The following CDH12 variants were observed in gnomAD, a reference collection of about 807,000 sequenced individuals.
The protein encoded by CDH12 is cadherin-12.
Under a neutral mutation model 74.1 loss-of-function variants are expected in CDH12, and 41 were observed. That is an observed-to-expected ratio of 0.55 (90% CI 0.43 to 0.72). The LOEUF (loss-of-function observed/expected upper bound fraction) is 0.72. Among genes scored for constraint, CDH12 ranks in the 30% least tolerant of loss-of-function variants. The pLI, the probability that CDH12 is intolerant of heterozygous loss-of-function variation, is 0.00. For synonymous variants in CDH12, 399 were observed against 355.0 expected, an observed-to-expected ratio of 1.12 and a Z score of -1.39; for missense variants, 945 against 977.2, an observed-to-expected ratio of 0.97 and a Z score of 0.44.
At chr5:22,352,867 G>T (rs1740412597) in intron 3 of CDH12, among the ~76,000 whole-genome samples, 1 of 152,086 alleles carries the variant, frequency 6.6e-6, no homozygotes, top group Non-Finnish European at 1.5e-5. Flanking sequence ...ATCTACTGAT[G>T]ATTCAGAATC....
intron 2 of CDH12, among the ~76,000 whole-genome samples, chr5:22,477,599 T>C (rs1259697455): frequency 1.3e-5 from 2 of 152,196 alleles, no homozygotes; most frequent in Admixed American, 6.5e-5. Flanking sequence ...TGGCATATAC[T>C]CAGTAATGGG....
intron 1 of CDH12, among the ~76,000 whole-genome samples, chr5:22,506,874 T>C (rs927610717): frequency 6.6e-6 from 1 of 152,202 alleles, no homozygotes; most frequent in Non-Finnish European, 1.5e-5. Context: ...TTCAGGCTGA[T>C]ACCTTCAACT....
chr5:22,432,688 G>A (rs1489807653), intron 2 of CDH12, among the ~76,000 whole-genome samples: 2 of 152,044 alleles, frequency 1.3e-5, no homozygotes, highest in Non-Finnish European at 2.9e-5. Flanking sequence ...TTTTGACAAT[G>A]TTTGACCCTG....
At chr5:22,749,202 T>A (rs535442044) in intron 1 of CDH12, among the ~76,000 whole-genome samples, 1 of 152,216 alleles carries the variant, frequency 6.6e-6, no homozygotes, top group Admixed American at 6.5e-5. Context: ...AGCAACAGCA[T>A]GAGCACAGCA....
At chr5:22,284,738 A>G (rs1435915249) in intron 3 of CDH12, among the ~76,000 whole-genome samples, 1 of 152,178 alleles carries the variant, frequency 6.6e-6, no homozygotes, top group East Asian at 1.9e-4. Flanking sequence ...TGAATACCAG[A>G]AAGTGGGGAT....
chr5:22,543,842 T>C (rs1290705371), intron 1 of CDH12, among the ~76,000 whole-genome samples: 1 of 152,154 alleles, frequency 6.6e-6, no homozygotes, highest in African/African-American at 2.4e-5. Flanking sequence ...CTTTCAAACA[T>C]ATTTCACACT....
chr5:22,375,868 A>T (rs1162331926), intron 3 of CDH12, among the ~76,000 whole-genome samples: 2 of 151,950 alleles, frequency 1.3e-5, no homozygotes, highest in African/African-American at 4.8e-5. Context: ...AGTGGAATGT[A>T]AATTACTACA....
intron 1 of CDH12, among the ~76,000 whole-genome samples, chr5:22,537,871 GA>G (rs1316232239): frequency 3.3e-5 from 5 of 152,230 alleles, no homozygotes; most frequent in Non-Finnish European, 5.9e-5. Context: ...AAGACTTTAA[GA>G]AAAGGCTGTG....
At chr5:21,843,492 A>G (rs1192538749) in intron 7 of CDH12, among the ~76,000 whole-genome samples, 1 of 150,554 alleles carries the variant, frequency 6.6e-6, no homozygotes, top group East Asian at 2.0e-4. Context: ...TGCTGCTGCT[A>G]CTTTATTTAT....
chr5:22,058,771 G>T (rs1242755320), intron 5 of CDH12, among the ~76,000 whole-genome samples: 1 of 148,662 alleles, frequency 6.7e-6, no homozygotes, highest in African/African-American at 2.5e-5. Context: ...AGGAAGGAAG[G>T]GAGGGAGGGA....
chr5:22,059,265 ATCTATCTATC>A (rs1221134816), intron 5 of CDH12, among the ~76,000 whole-genome samples: 1 of 150,218 alleles, frequency 6.7e-6, no homozygotes, highest in Non-Finnish European at 1.5e-5. Context: ...CTATCTATCT[ATCTATCTATC>A]TATCTATCTA....
intron 1 of CDH12, among the ~76,000 whole-genome samples, chr5:22,793,238 G>T (rs1481446107): frequency 6.6e-6 from 1 of 152,110 alleles, no homozygotes; most frequent in African/African-American, 2.4e-5. Flanking sequence ...TTTTAGATTT[G>T]GGGTCAAAAC....
intron 1 of CDH12, among the ~76,000 whole-genome samples, chr5:22,848,042 C>T (rs1388395814): frequency 1.3e-5 from 2 of 152,086 alleles, no homozygotes; most frequent in African/African-American, 2.4e-5. Flanking sequence ...CACCACCATG[C>T]CTGGTGATCA....
chr5:21,876,891 T>C (rs1177766343), intron 6 of CDH12, among the ~76,000 whole-genome samples: 1 of 152,218 alleles, frequency 6.6e-6, no homozygotes, highest in African/African-American at 2.4e-5. Context: ...CATGCTGTTG[T>C]CAAAATCAGA....
At chr5:21,853,893 T>C (rs996969213) in intron 7 of CDH12, among the ~76,000 whole-genome samples, 2 of 151,644 alleles carry the variant, frequency 1.3e-5, no homozygotes, top group Non-Finnish European at 3.0e-5. Flanking sequence ...GTATAAGTAT[T>C]GACAAAATAA....
intron 4 of CDH12, among the ~76,000 whole-genome samples, chr5:22,128,892 T>G (rs374827952): frequency 3.3e-5 from 5 of 152,358 alleles, no homozygotes. Context: ...ATTTACTGAG[T>G]ACTGTCTCCC....
intron 1 of CDH12, among the ~76,000 whole-genome samples, chr5:22,606,421 A>G (rs2255884): frequency 0.56 from 85,034 of 151,974 alleles, 24,133 homozygotes; most frequent in East Asian, 0.68. Flanking sequence ...TAATCCCCAC[A>G]TGTCAAGGGG....
intron 3 of CDH12, among the ~76,000 whole-genome samples, chr5:22,287,739 A>G (rs1174921446): frequency 8.6e-5 from 13 of 151,508 alleles, no homozygotes; most frequent in Non-Finnish European, 1.5e-4. Flanking sequence ...AAAAAAAAAA[A>G]AATGTATAAC....
chr5:22,139,838 G>A (rs1182667575), intron 4 of CDH12, among the ~76,000 whole-genome samples: 1 of 152,132 alleles, frequency 6.6e-6, no homozygotes, highest in Non-Finnish European at 1.5e-5. Flanking sequence ...AGAGCCATCA[G>A]TTGAAAGCCT....
Sources: allele counts gnomAD v4.1 joint callset (sites outside exome capture counted in the v4.1 genomes callset), GRCh38; gene constraint gnomAD v4.1.1; transcripts MANE v1.5; gene names NCBI Gene and HGNC (gene_info 2026-07-23, HGNC 2026-07-21).